Variants in PDE8B observed in about 807,000 individuals in gnomAD.
PDE8B encodes the protein high affinity cAMP-specific and IBMX-insensitive 3',5'-cyclic phosphodiesterase 8B.
In PDE8B, 26 loss-of-function variants were observed where a neutral mutation model predicts 101.3. That is an observed-to-expected ratio of 0.26 (90% CI 0.19 to 0.36). The LOEUF (loss-of-function observed/expected upper bound fraction) is 0.36, where lower values mean the gene tolerates loss of function less well. Ranked by LOEUF, PDE8B falls within the 10% of genes least tolerant of loss-of-function variation. PDE8B has a pLI of 1.00. For missense variants in PDE8B, 810 were observed against 1,163.1 expected (o/e 0.70, Z 4.42); for synonymous variants, 424 against 429.3 (o/e 0.99, Z 0.15).
At chr5:77,382,308 A>C (rs1787651843) in intron 10 of PDE8B, among the ~76,000 whole-genome samples, 2 of 152,094 alleles carry the variant, frequency 1.3e-5, no homozygotes, top group South Asian at 4.1e-4. Flanking sequence ...AGTATGTTTC[A>C]CCCCTTGTAA....
At chr5:77,377,604 C>T (rs148612755) in intron 10 of PDE8B, among the ~76,000 whole-genome samples, 1 of 152,210 alleles carries the variant, frequency 6.6e-6, no homozygotes, top group African/African-American at 2.4e-5. Context: ...GAAAAAGGGT[C>T]TATGCATCAG....
At chr5:77,141,852 G>A in the PDE8B span, 17 of 151,978 alleles carry the variant, frequency 1.1e-4, no homozygotes, top group South Asian at 2.1e-4. Context: ...ACATATTCAC[G>A]TTCTATTTTG....
chr5:77,246,653 G>T (rs1175874617), intron 1 of PDE8B: 2 of 152,220 alleles, frequency 1.3e-5, no homozygotes, highest in Non-Finnish European at 1.5e-5. Context: ...AGTCACACTT[G>T]CAGAGTCGAA....
At chr5:77,255,585 GAACTCCCCTGGC>G (rs1758965246) in intron 1 of PDE8B, among the ~76,000 whole-genome samples, 6 of 152,112 alleles carry the variant, frequency 3.9e-5, no homozygotes, top group Admixed American at 1.3e-4. Flanking sequence ...CCCCAGCCCC[GAACTCCCCTGGC>G]TGAATTCTCA....
the PDE8B span, chr5:77,113,811 T>G: frequency 6.6e-6 from 1 of 152,170 alleles, no homozygotes; most frequent in East Asian, 1.9e-4. Flanking sequence ...TTAAACAAAT[T>G]TATAAGAGAA....
At chr5:77,382,688 G>A (rs1316148518) in intron 10 of PDE8B, among the ~76,000 whole-genome samples, 1 of 152,068 alleles carries the variant, frequency 6.6e-6, no homozygotes, top group African/African-American at 2.4e-5. Flanking sequence ...AACATGTGGT[G>A]TTTGGTTGTC....
At chr5:77,213,053 C>T (rs1358741571) in intron 1 of PDE8B, among the ~76,000 whole-genome samples, 2 of 152,164 alleles carry the variant, frequency 1.3e-5, no homozygotes, top group Non-Finnish European at 2.9e-5. Context: ...ACTGAATGAA[C>T]CCATTCTGTA....
chr5:77,290,477 A>G (rs1459320938), intron 1 of PDE8B: 6 of 1,463,772 alleles, frequency 4.1e-6, no homozygotes, highest in Non-Finnish European at 5.7e-6. Flanking sequence ...CAACAGAAGC[A>G]TGGAAAATCT....
chr5:77,383,330 A>T, intron 10 of PDE8B, among the ~76,000 whole-genome samples: 1 of 151,958 alleles, frequency 6.6e-6, no homozygotes, highest in Non-Finnish European at 1.5e-5. Flanking sequence ...TAGATTCTGG[A>T]TATTAGCCCT....
chr5:77,337,379 C>T (rs746448762), intron 6 of PDE8B, 64 bp downstream of exon 6: 66 of 855,132 alleles, frequency 7.7e-5, no homozygotes, highest in Non-Finnish European at 1.2e-4. Flanking sequence ...TATCTGTCAA[C>T]AGGCTGATGT....
intron 18 of PDE8B, among the ~76,000 whole-genome samples, chr5:77,419,006 G>A (rs1478580559): frequency 6.6e-6 from 1 of 152,200 alleles, no homozygotes. Context: ...GAAGGGGGCA[G>A]TGTACAGAGA....
At chr5:77,303,123 G>C (rs1215955098) in intron 1 of PDE8B, among the ~76,000 whole-genome samples, 1 of 152,058 alleles carries the variant, frequency 6.6e-6, no homozygotes, top group Non-Finnish European at 1.5e-5. Context: ...CACCAAAATA[G>C]GAAATAGACT....
the PDE8B span, chr5:77,105,770 T>C: frequency 6.6e-6 from 1 of 152,246 alleles, no homozygotes; most frequent in African/African-American, 2.4e-5. Context: ...CTACCAGGAC[T>C]GTCTGAGAGT....
At chr5:77,128,164 G>C in the PDE8B span, among the ~76,000 whole-genome samples, 11 of 152,270 alleles carry the variant, frequency 7.2e-5, no homozygotes, top group South Asian at 2.3e-3. Context: ...GTTACCACTT[G>C]ACCCAGAGCC....
chr5:77,411,566 A>G, intron 14 of PDE8B, 110 bp from the exon 15 acceptor site: 1 of 835,382 alleles, frequency 1.2e-6, no homozygotes, highest in South Asian at 1.5e-5. Flanking sequence ...TTAGACTTCC[A>G]GATTGGTTGG....
the PDE8B span, among the ~76,000 whole-genome samples, chr5:77,136,437 G>A: frequency 6.6e-6 from 1 of 152,158 alleles, no homozygotes; most frequent in Non-Finnish European, 1.5e-5. Context: ...GCTTGGGAGG[G>A]TTTTAAAAGC....
intron 1 of PDE8B, among the ~76,000 whole-genome samples, chr5:77,310,146 T>C (rs1381055406): frequency 1.3e-5 from 2 of 152,068 alleles, no homozygotes; most frequent in Admixed American, 6.5e-5. Context: ...AGATGGGGTT[T>C]CACCATGTTG....
intron 16 of PDE8B, among the ~76,000 whole-genome samples, chr5:77,412,520 C>G (rs983445891): frequency 1.3e-5 from 2 of 151,620 alleles, no homozygotes; most frequent in Non-Finnish European, 2.9e-5. Flanking sequence ...TGTCGAAGCT[C>G]TACCCTACAG....
intron 3 of PDE8B, among the ~76,000 whole-genome samples, chr5:77,327,865 AG>A (rs990615237): frequency 3.0e-4 from 45 of 152,100 alleles, no homozygotes; most frequent in African/African-American, 1.1e-3. Flanking sequence ...CATTTCCGGG[AG>A]CCTTCCCCCC....
Sources: allele counts gnomAD v4.1 joint callset (sites outside exome capture counted in the v4.1 genomes callset), GRCh38; gene constraint gnomAD v4.1.1; transcripts MANE v1.5; gene names NCBI Gene and HGNC (gene_info 2026-07-23, HGNC 2026-07-21).